Variants in NKAIN3 observed in about 807,000 individuals in gnomAD.
The protein encoded by NKAIN3 is sodium/potassium transporting ATPase interacting 3, also known as sodium/potassium-transporting ATPase subunit beta-1-interacting protein 3.
NKAIN3 carries 25 observed loss-of-function variants against 30.2 expected under a neutral mutation model. The observed-to-expected ratio is 0.83, with a 90% confidence interval of 0.60 to 1.16. The LOEUF (loss-of-function observed/expected upper bound fraction) is 1.16, where lower values mean the gene tolerates loss of function less well. Among genes scored for constraint, NKAIN3 ranks in the 50% most tolerant of loss-of-function variants. The pLI, the probability that NKAIN3 is intolerant of heterozygous loss-of-function variation, is 0.00. For synonymous variants in NKAIN3, 91 were observed against 89.6 expected (o/e 1.02, Z -0.09); for missense variants, 225 against 254.1 (o/e 0.89, Z 0.78).
chr8:62,995,147 T>A (rs1804079104), intron 5 of NKAIN3, among the ~76,000 whole-genome samples: 1 of 152,228 alleles, frequency 6.6e-6, no homozygotes, highest in African/African-American at 2.4e-5. Flanking sequence ...GCTCTACAGA[T>A]GCTTAATGCA....
intron 3 of NKAIN3, among the ~76,000 whole-genome samples, chr8:62,724,421 A>C (rs575727915): frequency 2.0e-5 from 3 of 152,104 alleles, no homozygotes; most frequent in African/African-American, 7.2e-5. Context: ...TTTTAAATGT[A>C]CAAAAACTAT....
At chr8:62,279,957 C>G (rs1813118070) in intron 1 of NKAIN3, among the ~76,000 whole-genome samples, 1 of 152,138 alleles carries the variant, frequency 6.6e-6, no homozygotes, top group African/African-American at 2.4e-5. Context: ...CTATAAATTA[C>G]CTTGGGCAGT....
chr8:62,480,532 T>A (rs1806683694), intron 1 of NKAIN3, among the ~76,000 whole-genome samples: 2 of 137,476 alleles, frequency 1.5e-5, no homozygotes, highest in African/African-American at 2.7e-5. Context: ...ATGTTTGGAT[T>A]AAAAAAAAAA....
At chr8:62,583,707 A>T (rs1810373575) in intron 2 of NKAIN3, among the ~76,000 whole-genome samples, 1 of 152,188 alleles carries the variant, frequency 6.6e-6, no homozygotes. Flanking sequence ...TTTCACTGGC[A>T]GATTCCAGAT....
intron 4 of NKAIN3, among the ~76,000 whole-genome samples, chr8:62,796,782 T>TCACA (rs1384802783): frequency 9.6e-4 from 29 of 30,364 alleles, no homozygotes; most frequent in African/African-American, 2.4e-3. Context: ...AGTTTTTGTA[T>TCACA]CACACATACA....
chr8:62,750,596 G>A (rs1259214178), intron 4 of NKAIN3, among the ~76,000 whole-genome samples: 1 of 152,102 alleles, frequency 6.6e-6, no homozygotes, highest in Non-Finnish European at 1.5e-5. Context: ...GGAGGCGGCG[G>A]GGGGTGCCAC....
At chr8:62,573,803 A>C (rs1422193404) in intron 1 of NKAIN3, among the ~76,000 whole-genome samples, 5 of 152,098 alleles carry the variant, frequency 3.3e-5, no homozygotes, top group Non-Finnish European at 7.4e-5. Context: ...TTTTATGATA[A>C]AGGCTTGCAA....
At chr8:62,410,651 T>C (rs2129595838) in intron 1 of NKAIN3, among the ~76,000 whole-genome samples, 1 of 151,974 alleles carries the variant, frequency 6.6e-6, no homozygotes, top group South Asian at 2.1e-4. Context: ...AAGATCCAAA[T>C]AAGTGCAATC....
chr8:62,544,791 C>T (rs957478669), intron 1 of NKAIN3, among the ~76,000 whole-genome samples: 3 of 152,102 alleles, frequency 2.0e-5, no homozygotes, highest in Non-Finnish European at 2.9e-5. Flanking sequence ...ACTTTTGACT[C>T]TCCTAAAACA....
intron 5 of NKAIN3, among the ~76,000 whole-genome samples, chr8:62,919,234 T>A: frequency 1.4e-5 from 1 of 70,046 alleles, no homozygotes; most frequent in Non-Finnish European, 2.6e-5. Context: ...AAAATTTTTT[T>A]TTTTTTTTTT....
chr8:62,514,352 G>A (rs1319589584), intron 1 of NKAIN3, among the ~76,000 whole-genome samples: 1 of 151,892 alleles, frequency 6.6e-6, no homozygotes, highest in African/African-American at 2.4e-5. Flanking sequence ...AAACATACAT[G>A]CTTTGGATGA....
chr8:62,347,415 G>A (rs73684961), intron 1 of NKAIN3, among the ~76,000 whole-genome samples: 6,052 of 152,018 alleles, frequency 0.04, 435 homozygotes, highest in African/African-American at 0.14. Flanking sequence ...CTTAAAATAA[G>A]AAGATTTATT....
At chr8:62,950,896 C>T (rs906746242) in intron 5 of NKAIN3, among the ~76,000 whole-genome samples, 4 of 149,826 alleles carry the variant, frequency 2.7e-5, no homozygotes, top group Non-Finnish European at 4.4e-5. Context: ...TCCATTTCTA[C>T]CATAGTCTTA....
chr8:62,385,747 A>C (rs1342855896), intron 1 of NKAIN3, among the ~76,000 whole-genome samples: 1 of 152,092 alleles, frequency 6.6e-6, no homozygotes, highest in Non-Finnish European at 1.5e-5. Context: ...TTGTTCCTGT[A>C]CTTTTGCCTT....
chr8:62,307,664 C>G (rs1193221010), intron 1 of NKAIN3, among the ~76,000 whole-genome samples: 1 of 150,644 alleles, frequency 6.6e-6, no homozygotes, highest in African/African-American at 2.5e-5. Context: ...GATTAAAATG[C>G]GTAAGGCTTG....
intron 1 of NKAIN3, among the ~76,000 whole-genome samples, chr8:62,474,916 A>G (rs1175805474): frequency 6.6e-6 from 1 of 152,196 alleles, no homozygotes; most frequent in East Asian, 1.9e-4. Flanking sequence ...AAAATTTCTT[A>G]CAGTATGTGA....
intron 3 of NKAIN3, among the ~76,000 whole-genome samples, chr8:62,602,021 T>A (rs1475868910): frequency 6.6e-6 from 1 of 152,034 alleles, no homozygotes; most frequent in Non-Finnish European, 1.5e-5. Flanking sequence ...ATAAATTTCA[T>A]CAAATACAAA....
At chr8:62,339,922 G>A (rs1228098755) in intron 1 of NKAIN3, among the ~76,000 whole-genome samples, 1 of 152,008 alleles carries the variant, frequency 6.6e-6, no homozygotes, top group East Asian at 1.9e-4. Context: ...CAGAATTGAG[G>A]AGAGAAATGG....
At chr8:62,387,682 A>G (rs1817470516) in intron 1 of NKAIN3, among the ~76,000 whole-genome samples, 1 of 152,158 alleles carries the variant, frequency 6.6e-6, no homozygotes, top group African/African-American at 2.4e-5. Flanking sequence ...GTTGGTACAT[A>G]TTTTGGTGAT....
Sources: allele counts gnomAD v4.1 joint callset (sites outside exome capture counted in the v4.1 genomes callset), GRCh38; gene constraint gnomAD v4.1.1; transcripts MANE v1.5; gene names NCBI Gene and HGNC (gene_info 2026-07-23, HGNC 2026-07-21).